AZIN2: variants seen among roughly 807,000 people sequenced by gnomAD.
AZIN2 encodes the protein ODC antizyme inhibitor-2.
A neutral mutation model predicts 47.8 loss-of-function variants in AZIN2; 28 were observed. That is an observed-to-expected ratio of 0.59 (90% CI 0.43 to 0.80). The LOEUF is 0.80. Ranked by LOEUF, AZIN2 falls within the 30% of genes least tolerant of loss-of-function variation. AZIN2 has a pLI of 0.00. For missense variants in AZIN2, 535 were observed against 582.5 expected (o/e 0.92, Z 0.84); for synonymous variants, 221 against 239.4 (o/e 0.92, Z 0.71).
the AZIN2 span, among the ~76,000 whole-genome samples, chr1:33,139,472 C>T: frequency 5.5e-4 from 84 of 152,292 alleles, no homozygotes; most frequent in African/African-American, 1.9e-3. Context: ...GTCAGTGAAT[C>T]TCCTGGACCT....
At chr1:33,119,469 A>G (rs638130) in intron 11 of AZIN2, 46,448 of 160,520 alleles carry the variant, frequency 0.29, 6,815 homozygotes, top group Admixed American at 0.34. Flanking sequence ...AGCAGGGCTC[A>G]ACTGGGTGTG....
the AZIN2 span, among the ~76,000 whole-genome samples, chr1:33,153,096 A>T: frequency 6.6e-6 from 1 of 152,048 alleles, no homozygotes; most frequent in Non-Finnish European, 1.5e-5. Flanking sequence ...CAGGTGCTGG[A>T]TGGGGTTCTC....
rs80035754 is a variant in AZIN2 at position 33,096,748 on chromosome 1, A to T, written c.795A>T (p.Pro265=). 553 of 1,614,208 alleles carry T rather than the reference A, an allele frequency of 3.4e-4. 8 individuals are homozygous for T. The East Asian group carries it at 0.012, about 36-fold the overall frequency. Residue 265 remains proline, a synonymous_variant, in exon 9 of 12, where the codon CCA becomes CCT. Coordinates refer to ENST00000294517, the MANE Select transcript of AZIN2 (RefSeq NM_052998.4). The stretch of plus-strand genomic sequence containing the variant: ...ACTCAGCCTTGGACCTGTACTTCCC[A>T]GAGGGCTGTGGCGTGGACATCTTTG... ...VINSALDLYF[P]EGCGVDIFAE...
chr1:33,095,446 C>T (rs939107793), intron 8 of AZIN2, among the ~76,000 whole-genome samples: 1 of 151,968 alleles, frequency 6.6e-6, no homozygotes, highest in East Asian at 1.9e-4. Flanking sequence ...AAACAGGTTC[C>T]AAAAACATAT....
chr1:33,147,100 C>G, the AZIN2 span: 6 of 1,527,722 alleles, frequency 3.9e-6, no homozygotes, highest in Non-Finnish European at 5.3e-6. This position sits in a 1 kb window ranked among gnomAD's most constrained non-coding sequence, Gnocchi z 8.1. Flanking sequence ...GGGCTGGAGT[C>G]CAGGTCTTCT....
the AZIN2 span, chr1:33,159,902 C>T: frequency 1.3e-5 from 21 of 1,609,268 alleles, no homozygotes; most frequent in Middle Eastern, 1.6e-4. The surrounding 1 kb of genome is among the most constrained non-coding windows in gnomAD (Gnocchi z 4.2). Flanking sequence ...TGCAGCCGCT[C>T]GAAGGCCTCG....
rs760196284 is a variant in AZIN2, at chr1:33,082,230, G to T, written c.-20G>T. On this transcript the variant is annotated 5_prime_UTR_variant, in exon 4 of 12. Transcript: ENST00000294517. ...CTGCAGCAGCGGCTCCATCCAGCCC[G>T]TCAGCTCCTCCTGCAAGGCATGGCT... 6.2e-7 allele frequency: 1 copy of T among 1,606,038 alleles called. No homozygotes were observed.
At chr1:33,097,483 G>A (rs1318251459) in intron 9 of AZIN2, among the ~76,000 whole-genome samples, 3 of 152,174 alleles carry the variant, frequency 2.0e-5, no homozygotes, top group Admixed American at 2.0e-4. Flanking sequence ...AGGGATAGCA[G>A]CCTGTGAGTG....
In AZIN2 at chr1:33,120,163, C is replaced by T. The variant is rs1644756989; in HGVS notation, c.1364C>T (p.Thr455Ile). The T allele has an allele frequency of 1.2e-6, 2 of 1,609,474 alleles. No individual in the cohort carries two copies. Among genetic ancestry groups the T allele is most frequent in the Non-Finnish European group, 1.7e-6 (2 of 1,176,364 alleles). ...ACCCTGTGCGTGGGCCCTGTCTTCA[C>T]CCCAGCGAGCATCATGTGAGTGGGC... ...TDTLCVGPVF[T>I]PASIM is the part of the protein sequence containing the mutation. Residue 455 changes from threonine to isoleucine, a missense_variant, in exon 12 of 12, where the codon ACC (threonine) becomes ATC (isoleucine). Around this residue, in one of 3 missense-constraint regions of AZIN2, gnomAD observed 122 missense variants for 135.8 expected, o/e 0.90. Coordinates refer to ENST00000294517, the MANE Select transcript of AZIN2 (RefSeq NM_052998.4).
chr1:33,099,356 C>T (rs1044184989), intron 10 of AZIN2, among the ~76,000 whole-genome samples: 5 of 152,144 alleles, frequency 3.3e-5, no homozygotes, highest in African/African-American at 4.8e-5. Context: ...AATGTGGTTA[C>T]ATCTGCTGGT....
At chr1:33,093,588 C>T (rs1230041596) in intron 7 of AZIN2, among the ~76,000 whole-genome samples, 172 bp downstream of exon 7, 1 of 152,158 alleles carries the variant, frequency 6.6e-6, no homozygotes, top group Non-Finnish European at 1.5e-5. Flanking sequence ...TTAGAAGGGT[C>T]CCTTCCCCAG....
chr1:33,165,515 T>A, the AZIN2 span: 1 of 1,610,818 alleles, frequency 6.2e-7, no homozygotes, highest in Non-Finnish European at 8.5e-7. This position sits in a 1 kb window ranked among gnomAD's most constrained non-coding sequence, Gnocchi z 4.0. Context: ...AGCGCTTCGG[T>A]GTGTTCCCGC....
At chr1:33,147,286 G>A in the AZIN2 span, 1 of 1,614,188 alleles carries the variant, frequency 6.2e-7, no homozygotes, top group Non-Finnish European at 8.5e-7. This position sits in a 1 kb window ranked among gnomAD's most constrained non-coding sequence, Gnocchi z 8.1. Flanking sequence ...CTCGCGGAAG[G>A]TGTAGAGCCA....
intron 10 of AZIN2, among the ~76,000 whole-genome samples, chr1:33,102,675 A>G (rs1643792060): frequency 6.6e-6 from 1 of 152,094 alleles, no homozygotes; most frequent in Non-Finnish European, 1.5e-5. Flanking sequence ...TTCTCTGTCT[A>G]TATGCGCTTC....
downstream of AZIN2, among the ~76,000 whole-genome samples, chr1:33,125,917 T>G (rs1644853434): frequency 6.6e-6 from 1 of 152,106 alleles, no homozygotes; most frequent in African/African-American, 2.4e-5. Flanking sequence ...ATCCCAGCAC[T>G]TTGGGAGGCT....
chr1:33,143,086 C>T, the AZIN2 span: 1 of 152,234 alleles, frequency 6.6e-6, no homozygotes, highest in African/African-American at 2.4e-5. Context: ...TTTGTCCCCT[C>T]TCTTCACTTA....
intron 5 of AZIN2, among the ~76,000 whole-genome samples, chr1:33,085,918 C>T (rs1641840323): frequency 6.6e-6 from 1 of 152,190 alleles, no homozygotes; most frequent in Non-Finnish European, 1.5e-5. Flanking sequence ...CTGCGGTGCC[C>T]TGGGCCTCCA....
chr1:33,159,946 T>G, the AZIN2 span: 1 of 1,600,734 alleles, frequency 6.2e-7, no homozygotes, highest in Non-Finnish European at 8.5e-7. The surrounding 1 kb of genome is among the most constrained non-coding windows in gnomAD (Gnocchi z 4.2). Context: ...GGTGGAAGAC[T>G]GTGGGGGACA....
chr1:33,145,998 T>C, the AZIN2 span: 4 of 459,952 alleles, frequency 8.7e-6, no homozygotes, highest in South Asian at 1.6e-5. Flanking sequence ...AGGACATCTA[T>C]TGGCTGGCAC....
Sources: gnomAD v4.1 joint callset for allele counts (sites outside exome capture counted in the v4.1 genomes callset) on GRCh38, gnomAD v4.1.1 for gene constraint, gnomAD v4.1.1 regional missense constraint, Gnocchi (gnomAD v3.1) non-coding constraint, MANE v1.5 for transcripts, NCBI Gene and HGNC (gene_info 2026-07-23, HGNC 2026-07-21) for gene names.